CD86: variants seen among roughly 807,000 people sequenced by gnomAD.
CD86 encodes the protein CD86 molecule.
In CD86, 11 loss-of-function variants were observed where a neutral mutation model predicts 32.1. The ratio of observed to expected loss-of-function variants is 0.34; its 90% confidence interval spans 0.22 to 0.57. The LOEUF is 0.57. Ranked by LOEUF, CD86 falls within the 20% of genes least tolerant of loss-of-function variation. CD86 has a pLI of 0.86. For missense variants in CD86, 359 were observed against 398.4 expected (o/e 0.90, Z 0.84); for synonymous variants, 137 against 135.3 (o/e 1.01, Z -0.09).
intron 2 of CD86, among the ~76,000 whole-genome samples, chr3:122,092,611 G>A (rs978100250): frequency 7.9e-5 from 12 of 152,094 alleles, no homozygotes; most frequent in Admixed American, 6.5e-5. Context: ...AGTTGGCTGC[G>A]GTCCCTGCCA....
chr3:122,101,976 G>A (rs1049159196), intron 2 of CD86, among the ~76,000 whole-genome samples: 6 of 152,054 alleles, frequency 3.9e-5, no homozygotes, highest in African/African-American at 1.4e-4. Context: ...CCTAGTGAGT[G>A]TAGTGAAATA....
rs2107554458 is a variant in CD86 at position 122,119,628 on chromosome 3, A to G, written c.*94A>G. 2 of 759,614 alleles carry G rather than the reference A, an allele frequency of 2.6e-6. No individual in the cohort carries two copies. The highest frequency in any genetic ancestry group is 2.4e-4 in the Middle Eastern group (1 of 4,206). The allele number at this position is 759,614 out of a possible 1,614,324, so 47.1% of individuals were successfully genotyped here. On this transcript the variant is annotated 3_prime_UTR_variant, in exon 7 of 7. Transcript: ENST00000330540. Reference sequence around the variant, plus strand: ...TTTTGATTTCTTCCAGAAGGCAAAAAGACATTACCATGAGTAATAAGGGGG... The same window carrying G: ...TTTTGATTTCTTCCAGAAGGCAAAAGGACATTACCATGAGTAATAAGGGGG...
chr3:122,076,122 T>C (rs1204397231), intron 1 of CD86, among the ~76,000 whole-genome samples: 1 of 152,210 alleles, frequency 6.6e-6, no homozygotes, highest in African/African-American at 2.4e-5. Flanking sequence ...ATGATACTGC[T>C]TTCTAATTTA....
intron 1 of CD86, among the ~76,000 whole-genome samples, chr3:122,056,584 G>A (rs1450971834): frequency 6.6e-6 from 1 of 152,044 alleles, no homozygotes; most frequent in Non-Finnish European, 1.5e-5. Context: ...TGGCCACCTC[G>A]GCCTCCCAAA....
intron 1 of CD86, among the ~76,000 whole-genome samples, chr3:122,059,535 CAAAAAAAAAA>C (rs35060876): frequency 1.5e-5 from 1 of 67,960 alleles, no homozygotes; most frequent in African/African-American, 6.0e-5. Context: ...GACTCCGTCT[CAAAAAAAAAA>C]AAAAAAGAAA....
chr3:122,070,219 C>T (rs1183781505), intron 1 of CD86, among the ~76,000 whole-genome samples: 2 of 152,170 alleles, frequency 1.3e-5, no homozygotes, highest in Admixed American at 1.3e-4. Flanking sequence ...AAAATGTGTC[C>T]CTGGGTCCTA....
chr3:122,109,815 C>T (rs1347596417), intron 5 of CD86, among the ~76,000 whole-genome samples: 1 of 152,092 alleles, frequency 6.6e-6, no homozygotes, highest in Non-Finnish European at 1.5e-5. Flanking sequence ...ATCAGCTTCT[C>T]GTCTCTAAAA....
At chr3:122,072,498 T>C (rs960870845) in intron 1 of CD86, among the ~76,000 whole-genome samples, 9 of 152,252 alleles carry the variant, frequency 5.9e-5, no homozygotes, top group Non-Finnish European at 1.0e-4. Flanking sequence ...GAGCATTTTT[T>C]CATGTGTCTT....
chr3:122,110,524 T>A (rs573024452), intron 5 of CD86, among the ~76,000 whole-genome samples: 2 of 152,334 alleles, frequency 1.3e-5, no homozygotes, highest in South Asian at 4.1e-4. Context: ...TGTTTTTCAG[T>A]ATACTGATTT....
chr3:122,078,156 G>C (rs2072580944), intron 1 of CD86: 1 of 578,034 alleles, frequency 1.7e-6, no homozygotes, highest in Non-Finnish European at 2.2e-6. Flanking sequence ...ATGAGTAAAA[G>C]GGATTGCAGA....
chr3:122,089,654 G>A (rs1289296352), intron 1 of CD86, among the ~76,000 whole-genome samples: 1 of 152,216 alleles, frequency 6.6e-6, no homozygotes, highest in African/African-American at 2.4e-5. Context: ...AGAACAATTT[G>A]CAACTATTCT....
chr3:122,105,719 C>G (rs1040304995), intron 3 of CD86, among the ~76,000 whole-genome samples: 17 of 152,114 alleles, frequency 1.1e-4, no homozygotes, highest in African/African-American at 4.1e-4. Flanking sequence ...TACCACAATC[C>G]TGCTTGGGTT....
chr3:122,089,732 A>C (rs181126394), intron 1 of CD86, among the ~76,000 whole-genome samples: 65 of 152,378 alleles, frequency 4.3e-4, no homozygotes, highest in African/African-American at 1.3e-3. Flanking sequence ...GATATGGCAT[A>C]TAATCAAGGT....
At chr3:122,097,033 TG>T (rs759054375) in intron 2 of CD86, among the ~76,000 whole-genome samples, 2 of 152,214 alleles carry the variant, frequency 1.3e-5, no homozygotes, top group Non-Finnish European at 2.9e-5. Context: ...CCAAAAAGGT[TG>T]TACCAATTTA....
At chr3:122,112,154 A>G (rs2073183501) in intron 5 of CD86, among the ~76,000 whole-genome samples, 3 of 152,132 alleles carry the variant, frequency 2.0e-5, no homozygotes, top group Admixed American at 2.0e-4. Flanking sequence ...TTACTTCCTC[A>G]TTTGGGTCTT....
intron 1 of CD86, among the ~76,000 whole-genome samples, chr3:122,060,625 A>G (rs1429804380): frequency 6.6e-6 from 1 of 152,132 alleles, no homozygotes; most frequent in African/African-American, 2.4e-5. Context: ...CCCATTCCTA[A>G]AAAAATTTTA....
At chr3:122,067,993 T>TTCTC (rs2072437792) in intron 1 of CD86, among the ~76,000 whole-genome samples, 1 of 152,124 alleles carries the variant, frequency 6.6e-6, no homozygotes, top group African/African-American at 2.4e-5. Context: ...ATTTTAAGTG[T>TTCTC]TCAGAGAAGT....
intron 2 of CD86, among the ~76,000 whole-genome samples, chr3:122,096,141 C>G (rs1290022704): frequency 6.6e-6 from 1 of 152,200 alleles, no homozygotes; most frequent in Non-Finnish European, 1.5e-5. Flanking sequence ...TCAAAGCTTA[C>G]TGCAGCCTCT....
intron 2 of CD86, 41 bp downstream of exon 2, chr3:122,091,691 G>C (rs751225257): frequency 2.0e-6 from 3 of 1,525,048 alleles, no homozygotes; most frequent in East Asian, 2.2e-5. Context: ...GAATCCTACT[G>C]TCTCCTGATG....
Sources: allele counts gnomAD v4.1 joint callset (sites outside exome capture counted in the v4.1 genomes callset), GRCh38; gene constraint gnomAD v4.1.1; transcripts MANE v1.5; gene names NCBI Gene and HGNC (gene_info 2026-07-23, HGNC 2026-07-21).